Variants in GALNT1 observed in about 807,000 individuals in gnomAD.
The protein encoded by GALNT1 is GalNAc transferase 1.
A neutral mutation model predicts 65.7 loss-of-function variants in GALNT1; 17 were observed. The ratio of observed to expected loss-of-function variants is 0.26; its 90% CI spans 0.18 to 0.39. GALNT1 has a LOEUF of 0.39. GALNT1 is among the 10% of genes least tolerant of loss of function. GALNT1 has a pLI of 1.00. For missense variants in GALNT1, 460 were observed against 672.8 expected, an observed-to-expected ratio of 0.68 and a Z score of 3.50; for synonymous variants, 210 against 219.7, an observed-to-expected ratio of 0.96 and a Z score of 0.39.
At chr18:35,693,703 T>G (rs967849635) in intron 9 of GALNT1, among the ~76,000 whole-genome samples, 2 of 152,108 alleles carry the variant, frequency 1.3e-5, no homozygotes, top group Admixed American at 1.3e-4. Context: ...CACATCAAAT[T>G]TGAGATCCAA....
At chr18:35,638,163 G>A (rs2047116578) in intron 1 of GALNT1, among the ~76,000 whole-genome samples, 1 of 152,182 alleles carries the variant, frequency 6.6e-6, no homozygotes, top group Non-Finnish European at 1.5e-5. Flanking sequence ...GAATCAAAGA[G>A]TAATTTTGAC....
intron 1 of GALNT1, among the ~76,000 whole-genome samples, chr18:35,583,581 T>C (rs2046348539): frequency 1.3e-5 from 2 of 152,210 alleles, no homozygotes; most frequent in African/African-American, 4.8e-5. Context: ...TATAAATGCT[T>C]GTTGGATAAA....
chr18:35,690,340 GGA>G (rs1481443991), intron 7 of GALNT1, among the ~76,000 whole-genome samples: 1 of 152,138 alleles, frequency 6.6e-6, no homozygotes, highest in Non-Finnish European at 1.5e-5. Flanking sequence ...ACGCAGGTTT[GGA>G]GAGGGGTGAA....
chr18:35,593,670 G>A (rs1347296282), intron 1 of GALNT1, among the ~76,000 whole-genome samples: 1 of 151,940 alleles, frequency 6.6e-6, no homozygotes, highest in Non-Finnish European at 1.5e-5. Context: ...GTCAGTGGTG[G>A]CAGATAATTT....
chr18:35,700,313 G>C (rs1425290133), intron 9 of GALNT1, among the ~76,000 whole-genome samples: 1 of 152,172 alleles, frequency 6.6e-6, no homozygotes, highest in Admixed American at 6.5e-5. Flanking sequence ...AATTCACTTA[G>C]GGACTCTAAC....
intron 1 of GALNT1, among the ~76,000 whole-genome samples, chr18:35,643,770 C>T (rs977849414): frequency 6.6e-6 from 1 of 150,736 alleles, no homozygotes; most frequent in Non-Finnish European, 1.5e-5. Context: ...TACACTCCAG[C>T]CTGGGCAACA....
At chr18:35,637,984 T>C (rs758882227) in intron 1 of GALNT1, among the ~76,000 whole-genome samples, 1 of 152,242 alleles carries the variant, frequency 6.6e-6, no homozygotes, top group Admixed American at 6.5e-5. Context: ...ACATGGTTTA[T>C]TGAATAATTT....
intron 1 of GALNT1, among the ~76,000 whole-genome samples, chr18:35,609,724 A>G (rs1475292971): frequency 1.3e-5 from 2 of 152,210 alleles, no homozygotes; most frequent in Non-Finnish European, 2.9e-5. Flanking sequence ...AGTGACCAGG[A>G]GACAGAGTGG....
intron 3 of GALNT1, among the ~76,000 whole-genome samples, chr18:35,669,613 T>C (rs1225938763): frequency 6.6e-6 from 1 of 152,196 alleles, no homozygotes; most frequent in East Asian, 1.9e-4. Flanking sequence ...AGGAAAAACA[T>C]TTGATAAAAT....
chr18:35,710,815 G>A lies in GALNT1; in HGVS notation c.*1045G>A, dbSNP rs963793813. ...TGTTTATGATTCCACTTAACAAAAG[G>A]CCTGCAGAAGTGATTTATTATTTGG... On this transcript the variant is annotated 3_prime_UTR_variant, in exon 12 of 12. Transcript: ENST00000269195. The A allele has an allele frequency of 1.0e-4, 16 of 152,640 alleles. No homozygotes were observed. The highest frequency in any genetic ancestry group is 3.9e-4 in the African/African-American group (16 of 41,516). 9.5% of individuals were successfully genotyped at this position (152,640 alleles called of 1,614,324 possible).
intron 1 of GALNT1, among the ~76,000 whole-genome samples, chr18:35,602,481 C>T (rs2046594346): frequency 6.6e-6 from 1 of 152,120 alleles, no homozygotes; most frequent in African/African-American, 2.4e-5. Flanking sequence ...CCCAGTTGAA[C>T]ACCAGTGATT....
At chr18:35,614,961 T>C (rs937681575) in intron 1 of GALNT1, among the ~76,000 whole-genome samples, 1 of 152,092 alleles carries the variant, frequency 6.6e-6, no homozygotes, top group African/African-American at 2.4e-5. Context: ...TAAGAAGACC[T>C]AAATAAATGT....
chr18:35,663,794 G>A lies in GALNT1; in HGVS notation c.306G>A (p.Arg102=), dbSNP rs776834209. The change falls in exon 3 of 12, where the codon AGG becomes AGA. Residue 102 remains arginine, a synonymous_variant. Transcript: ENST00000269195. ...IALNRSLPDV[R]LEGCKTKVYP... Reference sequence around the variant, plus strand: ...TCAACAGATCTTTACCAGATGTTAGGTTAGAAGGGTAAGTACTTACTGTGG... The same window carrying A: ...TCAACAGATCTTTACCAGATGTTAGATTAGAAGGGTAAGTACTTACTGTGG... The A allele has an allele frequency of 6.2e-7, 1 of 1,613,346 alleles. No individual in the cohort carries two copies. Among genetic ancestry groups the A allele is most frequent in the Non-Finnish European group, 8.5e-7 (1 of 1,179,756 alleles).
intron 2 of GALNT1, chr18:35,659,795 T>C (rs961497092): frequency 2.6e-5 from 4 of 152,200 alleles, no homozygotes; most frequent in Admixed American, 2.0e-4. Context: ...CTTTAAAATA[T>C]TACTAGTAAA....
intron 3 of GALNT1, among the ~76,000 whole-genome samples, chr18:35,675,866 A>T (rs1195022084): frequency 6.6e-6 from 1 of 152,158 alleles, no homozygotes; most frequent in Non-Finnish European, 1.5e-5. Flanking sequence ...TTTTACCCAT[A>T]CATAGGCCAT....
Position 35,692,205 on chromosome 18 carries a change from A to G in GALNT1, c.1184A>G (p.Asp395Gly), listed in dbSNP as rs759998430. Residue 395 changes from aspartate (D) to glycine (G), a missense_variant, in exon 9 of 12, where the codon GAT becomes GGT. Transcript: ENST00000269195. The part of the protein sequence containing the change: ...SPGVTKVDYG[D>G]ISSRVGLRHK... Reference sequence around the variant, plus strand: ...GGTGTTACAAAGGTAGATTATGGAGATATATCGTCAAGAGTTGGTCTAAGA... The same window carrying G: ...GGTGTTACAAAGGTAGATTATGGAGGTATATCGTCAAGAGTTGGTCTAAGA... 6.2e-7 allele frequency: 1 copy of G among 1,610,918 alleles called. No homozygotes were observed. The highest frequency in any genetic ancestry group is 1.3e-5 in the African/African-American group (1 of 74,888).
chr18:35,700,159 A>G (rs2048134665), intron 9 of GALNT1, among the ~76,000 whole-genome samples: 1 of 152,152 alleles, frequency 6.6e-6, no homozygotes, highest in African/African-American at 2.4e-5. Context: ...GTATCACTAC[A>G]CAGAAAAGAA....
At chr18:35,686,515 A>G (rs1250427934) in intron 5 of GALNT1, among the ~76,000 whole-genome samples, 1 of 152,240 alleles carries the variant, frequency 6.6e-6, no homozygotes, top group African/African-American at 2.4e-5. Context: ...CAAATAGACT[A>G]GTGAAACAGG....
chr18:35,603,318 G>A (rs2046604890), intron 1 of GALNT1, among the ~76,000 whole-genome samples: 1 of 152,124 alleles, frequency 6.6e-6, no homozygotes, highest in Non-Finnish European at 1.5e-5. Flanking sequence ...GGGTATTGTG[G>A]AGAGAGAAGT....
Sources: allele counts gnomAD v4.1 joint callset (sites outside exome capture counted in the v4.1 genomes callset), GRCh38; gene constraint gnomAD v4.1.1; transcripts MANE v1.5; gene names NCBI Gene and HGNC (gene_info 2026-07-23, HGNC 2026-07-21).